EVC: variants seen among roughly 807,000 people sequenced by gnomAD.
EVC encodes the protein EvC ciliary complex subunit 1, also known as evC complex member EVC.
EVC carries 116 observed loss-of-function variants against 118.9 expected under a neutral mutation model. That is an observed-to-expected ratio of 0.98 (90% CI 0.84 to 1.14). The LOEUF (loss-of-function observed/expected upper bound fraction) is 1.14, where lower values mean the gene tolerates loss of function less well. EVC is among the 50% of genes most tolerant of loss of function. The pLI is 0.00. For missense variants in EVC, 1,401 were observed against 1,246.4 expected (o/e 1.12, Z -1.87); for synonymous variants, 619 against 534.7 (o/e 1.16, Z -2.18).
chr4:5,796,605 C>T (rs1270342689), intron 13 of EVC, among the ~76,000 whole-genome samples: 1 of 152,080 alleles, frequency 6.6e-6, no homozygotes, highest in Non-Finnish European at 1.5e-5. Context: ...GTTCACCTCT[C>T]AGCCTCTCAG....
downstream of EVC, among the ~76,000 whole-genome samples, chr4:5,818,817 A>G (rs774921911): frequency 5.9e-5 from 9 of 152,226 alleles, no homozygotes; most frequent in Non-Finnish European, 1.2e-4. Context: ...TTCTTTATAA[A>G]TTACCCCATC....
chr4:5,770,777 G>A (rs577802810), intron 11 of EVC, among the ~76,000 whole-genome samples: 16 of 152,184 alleles, frequency 1.1e-4, no homozygotes, highest in South Asian at 2.1e-4. Context: ...TTGGGAGGCC[G>A]AGGTGGGCAG....
At chr4:5,782,177 G>C (rs1425934020) in intron 11 of EVC, among the ~76,000 whole-genome samples, 2 of 151,980 alleles carry the variant, frequency 1.3e-5, no homozygotes, top group Non-Finnish European at 2.9e-5. Context: ...AGCTTCAAGT[G>C]ATTCTCCTGC....
intron 5 of EVC, among the ~76,000 whole-genome samples, chr4:5,739,276 T>A (rs143683594): frequency 6.6e-6 from 1 of 152,330 alleles, no homozygotes; most frequent in Non-Finnish European, 1.5e-5. Flanking sequence ...TTATATCTTA[T>A]ACCATATCAG....
At chr4:5,779,779 G>A (rs1431955661) in intron 11 of EVC, among the ~76,000 whole-genome samples, 213 of 135,878 alleles carry the variant, frequency 1.6e-3, no homozygotes, top group African/African-American at 5.2e-3. Context: ...CAATCATGTC[G>A]TCTGCAAACA....
chr4:5,796,919 C>T, intron 13 of EVC, 103 bp from the exon 14 acceptor site: 2 of 903,056 alleles, frequency 2.2e-6, no homozygotes, highest in South Asian at 1.3e-5. Context: ...AACCTGCTTC[C>T]TTTTGGAGGG....
chr4:5,774,137 T>C (rs1274197211), intron 11 of EVC, among the ~76,000 whole-genome samples: 1 of 151,878 alleles, frequency 6.6e-6, no homozygotes, highest in Non-Finnish European at 1.5e-5. Context: ...CCTGTGCCTC[T>C]GCAACACTCT....
chr4:5,825,747 A>G, the EVC span: 1 of 1,390,330 alleles, frequency 7.2e-7, no homozygotes, highest in Non-Finnish European at 9.9e-7. This position sits in a 1 kb window ranked among gnomAD's most constrained non-coding sequence, Gnocchi z 4.4. Context: ...CGGGCGAGAG[A>G]GAAACCTGAG....
intron 5 of EVC, among the ~76,000 whole-genome samples, chr4:5,739,656 A>T (rs1728219684): frequency 6.6e-6 from 1 of 152,238 alleles, no homozygotes; most frequent in Non-Finnish European, 1.5e-5. Context: ...CCTGTGTGGC[A>T]TATGCCACAA....
rs1289631385 is a variant in EVC, at chr4:5,789,428, C to T, written c.1777-4180C>T. Among the ~76,000 whole-genome samples, 1 of 152,176 alleles carries T rather than the reference C, an allele frequency of 6.6e-6. No homozygotes were observed. Among genetic ancestry groups the T allele is most frequent in the African/African-American group, 2.4e-5 (1 of 41,450 alleles). ...CACAGCAAGGCCTACTCTGACCATG[C>T]TGTTTAAAACTGCAATGCCCCCCTC... On this transcript the variant is annotated intron_variant, in intron 12 of 20. Coordinates refer to ENST00000264956, the MANE Select transcript of EVC (RefSeq NM_153717.3). The surrounding 1 kb of genome is among the most constrained non-coding windows in gnomAD (Gnocchi z 4.3).
chr4:5,821,868 A>G, the EVC span: 209 of 1,541,326 alleles, frequency 1.4e-4, 2 homozygotes, highest in South Asian at 1.9e-3. This position sits in a 1 kb window ranked among gnomAD's most constrained non-coding sequence, Gnocchi z 4.4. Flanking sequence ...GAGAGCGCCA[A>G]TCGCTGCTGG....
chr4:5,775,781 A>C (rs1455984375), intron 11 of EVC, among the ~76,000 whole-genome samples: 1 of 152,168 alleles, frequency 6.6e-6, no homozygotes, highest in Non-Finnish European at 1.5e-5. Context: ...TCTTGGATAT[A>C]CCAAAGAGTG....
At chr4:5,788,373 CT>C (rs999547070) in intron 12 of EVC, among the ~76,000 whole-genome samples, 1 of 152,160 alleles carries the variant, frequency 6.6e-6, no homozygotes, top group African/African-American at 2.4e-5. Context: ...ATGGCTCCCC[CT>C]CTCAGGTTTC....
intron 16 of EVC, among the ~76,000 whole-genome samples, chr4:5,803,922 T>C (rs1219215545): frequency 2.0e-5 from 3 of 148,148 alleles, no homozygotes; most frequent in Non-Finnish European, 4.4e-5. Context: ...AAACCATGCC[T>C]GTCTCAGGCA....
chr4:5,736,395 T>C (rs1727688505), intron 5 of EVC, among the ~76,000 whole-genome samples: 1 of 152,108 alleles, frequency 6.6e-6, no homozygotes, highest in South Asian at 2.1e-4. Context: ...CCAGTTTTGG[T>C]ACTGCACCAT....
chr4:5,754,861 C>T lies in EVC; in HGVS notation c.1464+928C>T, dbSNP rs562772214. On this transcript the variant is annotated intron_variant, in intron 10 of 20. Transcript: ENST00000264956. The surrounding 1 kb of genome is among the most constrained non-coding windows in gnomAD (Gnocchi z 5.8). ...AGCCTCACTGTTTGCCTGGGTCCGC[C>T]TGCCCTCCGTCAACACTTGGTACAG... 2.5e-4 allele frequency among the ~76,000 whole-genome samples: 38 copies of T among 152,284 alleles called. No individual in the cohort carries two copies. The South Asian group carries it at 7.7e-3, about 31-fold the overall frequency.
chr4:5,767,648 G>A (rs185485142), intron 11 of EVC, among the ~76,000 whole-genome samples: 2 of 152,004 alleles, frequency 1.3e-5, no homozygotes, highest in Non-Finnish European at 2.9e-5. Flanking sequence ...ATGCGGGTGG[G>A]AGTGACCCGA....
the EVC span, among the ~76,000 whole-genome samples, chr4:5,819,854 T>C: frequency 1.3e-5 from 2 of 152,238 alleles, 1 homozygote; most frequent in South Asian, 4.1e-4. Context: ...TTCAAGGAAG[T>C]CTATAACTGA....
intron 2 of EVC, among the ~76,000 whole-genome samples, chr4:5,725,243 A>G (rs1275886625): frequency 6.6e-6 from 1 of 152,172 alleles, no homozygotes; most frequent in East Asian, 1.9e-4. Context: ...ATACCCAGTA[A>G]AAGGATTGCT....
Sources: allele counts gnomAD v4.1 joint callset (sites outside exome capture counted in the v4.1 genomes callset), GRCh38; gene constraint gnomAD v4.1.1; non-coding constraint Gnocchi (gnomAD v3.1); transcripts MANE v1.5; gene names NCBI Gene and HGNC (gene_info 2026-07-23, HGNC 2026-07-21).